Variants in JAZF1 observed in about 807,000 individuals in gnomAD.
The protein encoded by JAZF1 is juxtaposed with another zinc finger protein 1.
JAZF1 carries 8 observed loss-of-function variants against 26.4 expected under a neutral mutation model. The observed-to-expected ratio is 0.30, with a 90% CI of 0.18 to 0.55. The LOEUF (loss-of-function observed/expected upper bound fraction) is 0.55. Ranked by LOEUF, JAZF1 falls within the 20% of genes least tolerant of loss-of-function variation. The probability of loss-of-function intolerance (pLI) is 0.94; values close to 1 mark genes in which losing one functional copy is unlikely to be tolerated. For synonymous variants in JAZF1, 126 were observed against 122.3 expected (o/e 1.03, Z -0.20); for missense variants, 199 against 322.0 (o/e 0.62, Z 2.92).
At chr7:28,046,598 T>C in intron 1 of JAZF1, among the ~76,000 whole-genome samples, 1 of 152,226 alleles carries the variant, frequency 6.6e-6, no homozygotes, top group South Asian at 2.1e-4. Context: ...TATGTAAATC[T>C]ACATTTCTAG....
chr7:28,128,698 A>G (rs1461211363), intron 1 of JAZF1, among the ~76,000 whole-genome samples: 1 of 152,172 alleles, frequency 6.6e-6, no homozygotes, highest in East Asian at 1.9e-4. Context: ...TGCTGAGTTT[A>G]TACTTAGCAC....
chr7:27,899,609 A>G (rs1784132982), intron 2 of JAZF1, among the ~76,000 whole-genome samples: 1 of 151,612 alleles, frequency 6.6e-6, no homozygotes. Context: ...TAATTTTTGG[A>G]TTTTTTGTAG....
chr7:27,838,520 A>G (rs1047286354), intron 4 of JAZF1, among the ~76,000 whole-genome samples: 3 of 152,170 alleles, frequency 2.0e-5, no homozygotes, highest in Non-Finnish European at 2.9e-5. Flanking sequence ...CAAGCAGGGA[A>G]TAAGAAAAGT....
At chr7:28,174,821 G>GGGTGTGTGTGTGTGT (rs758961535) in intron 1 of JAZF1, among the ~76,000 whole-genome samples, 1 of 107,690 alleles carries the variant, frequency 9.3e-6, no homozygotes, top group African/African-American at 2.8e-5. Context: ...GGGGTGTGTG[G>GGGTGTGTGTGTGTGT]GTGTGTGTGT....
intron 3 of JAZF1, chr7:27,843,791 GGCGAAC>G (rs1462383971): frequency 2.0e-5 from 3 of 152,254 alleles, no homozygotes; most frequent in African/African-American, 7.2e-5. Context: ...CTGTAAAATG[GGCGAAC>G]GCCTGTGTGC....
intron 3 of JAZF1, among the ~76,000 whole-genome samples, chr7:27,889,752 CA>C (rs545326214): frequency 4.6e-5 from 7 of 151,928 alleles, no homozygotes; most frequent in Non-Finnish European, 1.0e-4. Context: ...GCCAATATGG[CA>C]AAAACCCACC....
intron 1 of JAZF1, among the ~76,000 whole-genome samples, chr7:28,059,847 A>G (rs1362168423): frequency 2.0e-5 from 3 of 152,136 alleles, no homozygotes; most frequent in African/African-American, 2.4e-5. Flanking sequence ...TGAAAGCTAC[A>G]TGTCTTTTCT....
chr7:28,051,762 A>G (rs1199598796), intron 1 of JAZF1, among the ~76,000 whole-genome samples: 1 of 152,212 alleles, frequency 6.6e-6, no homozygotes, highest in Non-Finnish European at 1.5e-5. Flanking sequence ...TAAATAACAC[A>G]GTCCATCAAT....
In JAZF1 at chr7:28,090,772, T is replaced by TC. The variant is rs558978024; in HGVS notation, c.115+89690dup. ...ATTCTCTGTCTTCCTCTTTTCCTAT[T>TC]CAAGCTCTTATTTTTTTTTCTATTC... On this transcript the variant is annotated intron_variant, in intron 1 of 4. Transcript: ENST00000283928. 1.3e-3 allele frequency among the ~76,000 whole-genome samples: 194 copies of TC among 151,846 alleles called. 1 individual carries two copies. The highest frequency in any genetic ancestry group is 1.2e-3 in the South Asian group (6 of 4,812).
At chr7:27,890,614 T>C (rs1378148335) in intron 3 of JAZF1, among the ~76,000 whole-genome samples, 4 of 152,174 alleles carry the variant, frequency 2.6e-5, no homozygotes, top group Non-Finnish European at 5.9e-5. Flanking sequence ...AAGTTAACCT[T>C]AGTAAGCCTC....
intron 2 of JAZF1, among the ~76,000 whole-genome samples, chr7:27,927,110 G>C (rs1784613092): frequency 6.6e-6 from 1 of 152,136 alleles, no homozygotes; most frequent in East Asian, 1.9e-4. Context: ...AGAAGTTGAG[G>C]AACAGGGAGA....
intron 1 of JAZF1, 53 bp downstream of exon 1, chr7:28,180,410 C>G: frequency 6.9e-7 from 1 of 1,451,566 alleles, no homozygotes; most frequent in Non-Finnish European, 9.6e-7. Flanking sequence ...GCTCCCCGCC[C>G]GGGCAGGAGT....
chr7:28,026,224 A>T (rs1386283661), intron 1 of JAZF1, among the ~76,000 whole-genome samples: 3 of 152,182 alleles, frequency 2.0e-5, no homozygotes, highest in African/African-American at 7.2e-5. Flanking sequence ...CTAAGGAAAA[A>T]TGCTCCACAG....
intron 1 of JAZF1, among the ~76,000 whole-genome samples, chr7:28,149,000 A>G (rs1783068654): frequency 6.6e-6 from 1 of 152,164 alleles, no homozygotes; most frequent in Non-Finnish European, 1.5e-5. Context: ...TCTCATATTA[A>G]CGAAGAGATG....
chr7:28,092,290 C>CCAAAAAAAAAAAAAAAA lies in JAZF1; in HGVS notation c.115+88172_115+88173insTTTTTTTTTTTTTTTTG, dbSNP rs1784310777. Among the ~76,000 whole-genome samples the CCAAAAAAAAAAAAAAAA allele has an allele frequency of 1.4e-3, 18 of 12,802 alleles. 3 individuals carry two copies. Among genetic ancestry groups the CCAAAAAAAAAAAAAAAA allele is most frequent in the African/African-American group, 3.9e-3 (18 of 4,646 alleles). 8.4% of individuals were successfully genotyped at this position (12,802 alleles called of 152,430 possible). A position where few individuals can be genotyped will look rare whatever the true frequency, so the allele number is the denominator to read the frequency against. On this transcript the variant is annotated intron_variant, in intron 1 of 4. Coordinates refer to ENST00000283928, the MANE Select transcript of JAZF1 (RefSeq NM_175061.4). The stretch of plus-strand genomic sequence containing the variant: ...AACATCCCATTTCAGGGACAAAAGG[C>CCAAAAAAAAAAAAAAAA]AAAAAAAAAAAAAAAAAAAAAAAAA...
At chr7:28,019,149 A>C (rs1223116057) in intron 1 of JAZF1, among the ~76,000 whole-genome samples, 1 of 152,192 alleles carries the variant, frequency 6.6e-6, no homozygotes, top group African/African-American at 2.4e-5. Flanking sequence ...TATACTCCAG[A>C]AGCCCTCTGC....
chr7:28,120,526 T>TG (rs1554289788), intron 1 of JAZF1, among the ~76,000 whole-genome samples: 1 of 105,830 alleles, frequency 9.4e-6, no homozygotes, highest in East Asian at 6.0e-4. Context: ...TTTTTTTTTT[T>TG]GAGACAGAGT....
intron 1 of JAZF1, among the ~76,000 whole-genome samples, chr7:28,014,768 T>TA (rs1782856208): frequency 6.6e-6 from 1 of 152,234 alleles, no homozygotes; most frequent in Non-Finnish European, 1.5e-5. Flanking sequence ...GAGAACGGAA[T>TA]GTCTCTCTAC....
At chr7:27,870,936 T>C (rs1205825868) in intron 3 of JAZF1, among the ~76,000 whole-genome samples, 1 of 152,172 alleles carries the variant, frequency 6.6e-6, no homozygotes, top group East Asian at 1.9e-4. Flanking sequence ...TTTTGAAAAC[T>C]CCAGAGTAGT....
Sources: allele counts gnomAD v4.1 joint callset (sites outside exome capture counted in the v4.1 genomes callset), GRCh38; gene constraint gnomAD v4.1.1; transcripts MANE v1.5; gene names NCBI Gene and HGNC (gene_info 2026-07-23, HGNC 2026-07-21).